Variants in ADRA1B observed in about 807,000 individuals in gnomAD.
The protein encoded by ADRA1B is adrenoceptor alpha 1B, also known as alpha-1B adrenergic receptor.
ADRA1B carries 17 observed loss-of-function variants against 17.9 expected under a neutral mutation model. That is an observed-to-expected ratio of 0.95 (90% CI 0.65 to 1.42). The LOEUF is 1.42. Among genes scored for constraint, ADRA1B ranks in the 40% most tolerant of loss-of-function variants. The probability of loss-of-function intolerance (pLI) is 0.00; values close to 1 mark genes in which losing one functional copy is unlikely to be tolerated. For synonymous variants in ADRA1B, 366 were observed against 327.6 expected, an observed-to-expected ratio of 1.12 and a Z score of -1.27; for missense variants, 681 against 722.1, an observed-to-expected ratio of 0.94 and a Z score of 0.65.
intron 1 of ADRA1B, among the ~76,000 whole-genome samples, chr5:159,892,867 G>A (rs1463006716): frequency 6.6e-6 from 1 of 152,124 alleles, no homozygotes; most frequent in Non-Finnish European, 1.5e-5. Context: ...GGATTGTTGG[G>A]TCAAATGGTA....
chr5:159,985,365 C>T, the ADRA1B span, among the ~76,000 whole-genome samples: 1 of 152,198 alleles, frequency 6.6e-6, no homozygotes, highest in Admixed American at 6.5e-5. Context: ...TTAGCAAGTA[C>T]TTTAATTACT....
intron 1 of ADRA1B, among the ~76,000 whole-genome samples, chr5:159,889,980 A>G (rs7734749): frequency 0.023 from 3,542 of 152,314 alleles, 138 homozygotes; most frequent in African/African-American, 0.08. Context: ...ACAATGGCAG[A>G]TAAATAGACT....
chr5:159,967,862 T>C (rs10070745), intron 1 of ADRA1B, among the ~76,000 whole-genome samples: 5,646 of 152,272 alleles, frequency 0.037, 378 homozygotes, highest in African/African-American at 0.13. Flanking sequence ...GGGTACATTG[T>C]AAGAAAACAG....
At chr5:159,939,448 A>G (rs1200221509) in intron 1 of ADRA1B, among the ~76,000 whole-genome samples, 1 of 152,122 alleles carries the variant, frequency 6.6e-6, no homozygotes, top group African/African-American at 2.4e-5. Context: ...TACCCTGCTG[A>G]ATTACCCCAG....
chr5:159,957,309 G>C (rs562813564), intron 1 of ADRA1B, among the ~76,000 whole-genome samples: 7 of 151,948 alleles, frequency 4.6e-5, no homozygotes, highest in African/African-American at 1.7e-4. Context: ...TTTGAGACCA[G>C]CTGGGGCAAC....
intron 1 of ADRA1B, among the ~76,000 whole-genome samples, chr5:159,966,720 AT>A (rs1755780861): frequency 6.6e-6 from 1 of 152,200 alleles, no homozygotes; most frequent in African/African-American, 2.4e-5. Context: ...TCAAAAGGCA[AT>A]TTGGCTGTCA....
chr5:159,896,308 A>T (rs758993744), intron 1 of ADRA1B, among the ~76,000 whole-genome samples: 2 of 152,244 alleles, frequency 1.3e-5, no homozygotes, highest in South Asian at 4.1e-4. Flanking sequence ...GTTACTCAAG[A>T]TCAATTTAGA....
chr5:159,885,043 C>T (rs1753908587), intron 1 of ADRA1B, among the ~76,000 whole-genome samples: 1 of 152,100 alleles, frequency 6.6e-6, no homozygotes, highest in Non-Finnish European at 1.5e-5. Context: ...AAGTTGGAAG[C>T]AGAAATGGTA....
At chr5:159,962,026 T>C (rs1755672555) in intron 1 of ADRA1B, among the ~76,000 whole-genome samples, 1 of 152,172 alleles carries the variant, frequency 6.6e-6, no homozygotes, top group African/African-American at 2.4e-5. Context: ...GATGAAATCC[T>C]GTCTCTATCA....
intron 1 of ADRA1B, chr5:159,929,234 A>G (rs1274015370): frequency 6.6e-6 from 1 of 152,224 alleles, no homozygotes; most frequent in East Asian, 1.9e-4. Context: ...AATAAACAAG[A>G]TCTAGCAGCA....
chr5:159,945,291 G>T (rs1398026876), intron 1 of ADRA1B, among the ~76,000 whole-genome samples: 3 of 152,140 alleles, frequency 2.0e-5, no homozygotes, highest in Non-Finnish European at 2.9e-5. Flanking sequence ...GGTGGAGGTT[G>T]CAGTGAGCCC....
In ADRA1B at chr5:159,972,916, A is replaced by C. The variant is rs963372832; in HGVS notation, c.*424A>C. 7.2e-5 allele frequency among the ~76,000 whole-genome samples: 11 copies of C among 152,274 alleles called. No individual in the cohort carries two copies. The highest frequency in any genetic ancestry group is 2.6e-4 in the African/African-American group (11 of 41,552). On this transcript the variant is annotated 3_prime_UTR_variant, in exon 2 of 2. Coordinates refer to ENST00000306675, the MANE Select transcript of ADRA1B (RefSeq NM_000679.4). Reference sequence around the variant, plus strand: ...AACCGGGGGCGTTGTGTGTGTCGTGACTTCGTACCTCTCAAGCCCCTCCTT... The same window carrying C: ...AACCGGGGGCGTTGTGTGTGTCGTGCCTTCGTACCTCTCAAGCCCCTCCTT...
the ADRA1B span, among the ~76,000 whole-genome samples, chr5:159,983,734 G>A: frequency 6.6e-6 from 1 of 152,112 alleles, no homozygotes; most frequent in Non-Finnish European, 1.5e-5. Flanking sequence ...AATTTTGCAG[G>A]TGGGTCTCTG....
chr5:159,928,867 C>T lies in ADRA1B; in HGVS notation c.949+11013C>T, dbSNP rs760898081. On this transcript the variant is annotated intron_variant, in intron 1 of 1. Transcript: ENST00000306675. ...GCAGCTGGTTGGGGAGGAGGAGGAT[C>T]CACCAACTGGAACAGCAACAAAAAA... Among the ~76,000 whole-genome samples, 302 of 152,256 alleles carry T rather than the reference C, an allele frequency of 2.0e-3. 1 individual carries two copies. The highest frequency in any genetic ancestry group is 2.6e-3 in the Non-Finnish European group (175 of 68,012).
chr5:159,894,301 T>G (rs1424354306), intron 1 of ADRA1B, among the ~76,000 whole-genome samples: 1 of 152,258 alleles, frequency 6.6e-6, no homozygotes, highest in Non-Finnish European at 1.5e-5. Flanking sequence ...ACTAAGAGTC[T>G]GCAATCCTTT....
At chr5:159,891,537 G>T (rs1021599126) in intron 1 of ADRA1B, among the ~76,000 whole-genome samples, 4 of 152,136 alleles carry the variant, frequency 2.6e-5, no homozygotes, top group African/African-American at 9.7e-5. Context: ...GAGTAGGAAG[G>T]GGAGGCTCTG....
chr5:159,880,019 A>C (rs891494208), intron 1 of ADRA1B, among the ~76,000 whole-genome samples: 10 of 152,316 alleles, frequency 6.6e-5, no homozygotes, highest in African/African-American at 2.4e-4. Context: ...TAAAATTAAA[A>C]TTAAAAACTT....
chr5:159,871,796 C>T (rs1753744725), intron 1 of ADRA1B, among the ~76,000 whole-genome samples: 1 of 152,086 alleles, frequency 6.6e-6, no homozygotes, highest in Non-Finnish European at 1.5e-5. Context: ...TAGATTGAAG[C>T]CCTGTTTTGA....
At chr5:159,950,436 CAG>C in intron 1 of ADRA1B, 1 of 864,756 alleles carries the variant, frequency 1.2e-6, no homozygotes, top group Non-Finnish European at 1.9e-6. Flanking sequence ...GACTCCCCAT[CAG>C]TGAGGGCTTC....
Sources: gnomAD v4.1 joint callset for allele counts (sites outside exome capture counted in the v4.1 genomes callset) on GRCh38, gnomAD v4.1.1 for gene constraint, MANE v1.5 for transcripts, NCBI Gene and HGNC (gene_info 2026-07-23, HGNC 2026-07-21) for gene names.